MID1: variants seen among roughly 807,000 people sequenced by gnomAD.
The protein encoded by MID1 is E3 ubiquitin-protein ligase Midline-1.
MID1 carries 7 observed loss-of-function variants against 40.4 expected under a neutral mutation model. That is an observed-to-expected ratio of 0.17 (90% CI 0.10 to 0.33). The LOEUF is 0.33. MID1 is among the 10% of genes least tolerant of loss of function. The pLI is 1.00. For synonymous variants in MID1, 229 were observed against 221.2 expected, an observed-to-expected ratio of 1.04 and a Z score of -0.31; for missense variants, 367 against 558.5, an observed-to-expected ratio of 0.66 and a Z score of 3.46.
intron 1 of MID1, among the ~76,000 whole-genome samples, chrX:10,807,796 C>T (rs2044058173): frequency 8.9e-6 from 1 of 112,072 alleles, no homozygotes; most frequent in African/African-American, 3.2e-5. Flanking sequence ...GTGCTGTATA[C>T]CTTAACATAA....
chrX:10,588,014 T>C (rs895973508), intron 1 of MID1, among the ~76,000 whole-genome samples: 3 of 112,263 alleles, frequency 2.7e-5, no homozygotes, highest in African/African-American at 6.5e-5. Flanking sequence ...AGGTTGGTGC[T>C]TTAAGAAAAA....
chrX:10,720,206 A>G (rs993607127), intron 1 of MID1, among the ~76,000 whole-genome samples: 2 of 112,002 alleles, frequency 1.8e-5, no homozygotes, highest in Admixed American at 9.5e-5. Context: ...ATGGGATCCA[A>G]TTAAACTAAA....
Position 10,751,883 on chromosome X carries a change from G to A in MID1, c.-187+81671C>T, listed in dbSNP as rs887076844. Among the ~76,000 whole-genome samples, 5 of 111,547 alleles carry A rather than the reference G, an allele frequency of 4.5e-5. No individual in the cohort carries two copies. In the East Asian group the frequency reaches 1.4e-3, roughly 32 times the overall value. Reference sequence around the variant, plus strand: ...CATGCGGGTGGATCACTCAAGAATGGCTTAGCACTATCCCCTTGGTGATAA... The same window carrying A: ...CATGCGGGTGGATCACTCAAGAATGACTTAGCACTATCCCCTTGGTGATAA... On this transcript the variant is annotated intron_variant, in intron 1 of 10. Coordinates refer to the MID1 transcript ENST00000380785.
chrX:10,660,639 C>A (rs1481306961), intron 1 of MID1, among the ~76,000 whole-genome samples: 1 of 112,332 alleles, frequency 8.9e-6, no homozygotes, highest in African/African-American at 3.2e-5. Flanking sequence ...TACCTATTAA[C>A]ACATTTTTTT....
intron 1 of MID1, among the ~76,000 whole-genome samples, chrX:10,788,901 C>G (rs757331178): frequency 8.9e-6 from 1 of 112,182 alleles, no homozygotes; most frequent in African/African-American, 3.2e-5. Context: ...GAGGCCGAGG[C>G]GGGAGGATCA....
intron 3 of MID1, chrX:10,505,870 G>C (rs1931803142): frequency 6.6e-6 from 5 of 753,972 alleles, no homozygotes; most frequent in Non-Finnish European, 7.8e-6. Context: ...AAAATACTGA[G>C]TTGGACCCCT....
At chrX:10,808,271 T>G (rs776046420) in intron 1 of MID1, among the ~76,000 whole-genome samples, 1 of 112,047 alleles carries the variant, frequency 8.9e-6, no homozygotes, top group African/African-American at 3.2e-5. Context: ...GATTAAATGA[T>G]ATCTGATAAC....
chrX:10,631,190 A>G (rs892663886), intron 1 of MID1, among the ~76,000 whole-genome samples: 1 of 112,392 alleles, frequency 8.9e-6, no homozygotes. Context: ...TCCAAATATC[A>G]ATCCTGTCAC....
intron 1 of MID1, among the ~76,000 whole-genome samples, chrX:10,603,889 A>C (rs1181824411): frequency 9.0e-6 from 1 of 111,480 alleles, no homozygotes; most frequent in Non-Finnish European, 1.9e-5. Context: ...TTTGAGACCA[A>C]AGATCTTTAA....
At chrX:10,539,971 C>T (rs1003850002) in intron 2 of MID1, among the ~76,000 whole-genome samples, 9 of 112,504 alleles carry the variant, frequency 8.0e-5, no homozygotes, top group Non-Finnish European at 1.3e-4. Context: ...CTAGCCTAGG[C>T]GGGCAGATGG....
intron 1 of MID1, among the ~76,000 whole-genome samples, chrX:10,664,094 G>C (rs1481797238): frequency 9.0e-6 from 1 of 110,704 alleles, no homozygotes; most frequent in Non-Finnish European, 1.9e-5. Flanking sequence ...CAAAACTATG[G>C]TTTTAACTAT....
At chrX:10,580,071 T>A (rs1934969396) in intron 1 of MID1, among the ~76,000 whole-genome samples, 1 of 109,740 alleles carries the variant, frequency 9.1e-6, no homozygotes, top group Non-Finnish European at 1.9e-5. Flanking sequence ...GGCACAGATC[T>A]TTAAGTCTGG....
In MID1 at chrX:10,702,577, T is replaced by G. The variant is rs566433245; in HGVS notation, c.-186-82158A>C. ...ATCCTTATCAGAATCTATGAGCAAG[T>G]TGAATAAATATCACTGTGTTTTTCG... On this transcript the variant is annotated intron_variant, in intron 1 of 10. Coordinates refer to the MID1 transcript ENST00000380785. 3.6e-5 allele frequency among the ~76,000 whole-genome samples: 4 copies of G among 112,641 alleles called. No homozygotes were observed. The South Asian group carries it at 1.5e-3, about 42-fold the overall frequency.
intron 1 of MID1, among the ~76,000 whole-genome samples, chrX:10,709,247 A>G (rs183608204): frequency 8.5e-4 from 96 of 112,505 alleles, no homozygotes; most frequent in Non-Finnish European, 1.4e-3. Context: ...ACATTGTCCA[A>G]TCATTAAGTG....
intron 1 of MID1, among the ~76,000 whole-genome samples, chrX:10,596,260 A>G (rs1935408992): frequency 9.0e-6 from 1 of 110,905 alleles, no homozygotes. Context: ...CATAAGAGAA[A>G]ATTAGGAGAA....
intron 1 of MID1, among the ~76,000 whole-genome samples, chrX:10,609,715 CTTTTTTTT>C (rs138559299): frequency 3.5e-5 from 3 of 86,413 alleles, no homozygotes; most frequent in African/African-American, 1.4e-4. Context: ...TTCTTTCTTT[CTTTTTTTT>C]TTTTTTTTTT....
chrX:10,531,626 T>A (rs1309274165), intron 2 of MID1, among the ~76,000 whole-genome samples: 1 of 112,500 alleles, frequency 8.9e-6, no homozygotes, highest in Non-Finnish European at 1.9e-5. Context: ...CATTAGGAGT[T>A]CAGTGTTTAT....
At chrX:10,472,683 C>T (rs950398178) in intron 6 of MID1, among the ~76,000 whole-genome samples, 1 of 112,452 alleles carries the variant, frequency 8.9e-6, no homozygotes, top group Non-Finnish European at 1.9e-5. Context: ...AAACAAACTT[C>T]ACTGGCAGAG....
At position 10,617,984 on chromosome X, in the gene MID1, G is replaced by A. The variant is rs986445898; in HGVS notation, c.-57+2306C>T. On this transcript the variant is annotated intron_variant, in intron 1 of 9. Coordinates refer to ENST00000317552, the MANE Select transcript of MID1 (RefSeq NM_000381.4). ...TTCTACACCTGAAGTGGTGGCTTCA[G>A]GAATGTTCCTTTTCTGCCAACCTGG... 2.7e-5 allele frequency among the ~76,000 whole-genome samples: 3 copies of A among 112,639 alleles called. No individual in the cohort carries two copies. The East Asian group carries it at 8.4e-4, about 31-fold the overall frequency.
Sources: gnomAD v4.1 joint callset for allele counts (sites outside exome capture counted in the v4.1 genomes callset) on GRCh38, gnomAD v4.1.1 for gene constraint, MANE v1.5 for transcripts, NCBI Gene and HGNC (gene_info 2026-07-23, HGNC 2026-07-21) for gene names.